TANC1: variants seen among roughly 807,000 people sequenced by gnomAD.
TANC1 encodes the protein tetratricopeptide repeat, ankyrin repeat and coiled-coil containing 1, also known as protein TANC1.
A neutral mutation model predicts 149.7 loss-of-function variants in TANC1; 77 were observed. That is an observed-to-expected ratio of 0.51 (90% CI 0.43 to 0.62). The LOEUF (loss-of-function observed/expected upper bound fraction) is 0.62. Among genes scored for constraint, TANC1 ranks in the 20% least tolerant of loss-of-function variants. The pLI is 0.00. For missense variants in TANC1, 1,985 were observed against 2,321.8 expected (o/e 0.85, Z 2.98); for synonymous variants, 854 against 925.0 (o/e 0.92, Z 1.39).
chr2:159,136,807 A>AAT (rs1553569230), intron 5 of TANC1, among the ~76,000 whole-genome samples: 1 of 144,058 alleles, frequency 6.9e-6, no homozygotes, highest in African/African-American at 2.5e-5. Context: ...AAAAAAAAAA[A>AAT]CCAAATTGAT....
At chr2:158,975,573 C>CT (rs70994247) in intron 1 of TANC1, among the ~76,000 whole-genome samples, 65,137 of 145,988 alleles carry the variant, frequency 0.45, 14,874 homozygotes, top group African/African-American at 0.58. Flanking sequence ...ACCACAATTA[C>CT]TTTTTTTTTT....
chr2:159,148,356 T>C (rs370019387), intron 5 of TANC1: 1 of 152,236 alleles, frequency 6.6e-6, no homozygotes, highest in Non-Finnish European at 1.5e-5. Flanking sequence ...CAGCTCAACA[T>C]TTAAATCAAA....
chr2:159,062,648 G>C (rs1433970754), intron 2 of TANC1, among the ~76,000 whole-genome samples: 2 of 152,168 alleles, frequency 1.3e-5, no homozygotes, highest in African/African-American at 2.4e-5. Flanking sequence ...AAATGGATGA[G>C]ACTGGGCAAA....
chr2:159,026,252 C>A (rs1353718307), intron 2 of TANC1, among the ~76,000 whole-genome samples: 1 of 152,162 alleles, frequency 6.6e-6, no homozygotes, highest in Non-Finnish European at 1.5e-5. Flanking sequence ...TTTTTAGCTT[C>A]TAGTGTTTAG....
intron 17 of TANC1, among the ~76,000 whole-genome samples, chr2:159,196,056 T>C (rs1213686545): frequency 6.6e-6 from 1 of 152,094 alleles, no homozygotes; most frequent in Non-Finnish European, 1.5e-5. Context: ...CCCCCTTTAC[T>C]TGCCAGCATG....
intron 1 of TANC1, among the ~76,000 whole-genome samples, chr2:158,982,875 T>C (rs529640529): frequency 6.6e-6 from 1 of 152,326 alleles, no homozygotes; most frequent in African/African-American, 2.4e-5. Context: ...CTTCCTGCCT[T>C]GACCTCCCAA....
At chr2:159,053,764 A>G (rs1336135252) in intron 2 of TANC1, among the ~76,000 whole-genome samples, 2 of 152,194 alleles carry the variant, frequency 1.3e-5, no homozygotes, top group Non-Finnish European at 2.9e-5. Flanking sequence ...CATTGTTTGT[A>G]TGACACAAAG....
At chr2:159,063,896 G>A (rs264659) in intron 2 of TANC1, among the ~76,000 whole-genome samples, 31,740 of 151,988 alleles carry the variant, frequency 0.21, 3,745 homozygotes, top group South Asian at 0.45. Flanking sequence ...GTGATGACCT[G>A]GGTGATTAAT....
chr2:159,025,756 A>AT (rs1390840516), intron 2 of TANC1, among the ~76,000 whole-genome samples: 2 of 152,126 alleles, frequency 1.3e-5, no homozygotes, highest in Non-Finnish European at 2.9e-5. Flanking sequence ...ATTTCTGATC[A>AT]TTTAACTAAT....
chr2:159,069,025 G>A (rs1468322565), intron 3 of TANC1, among the ~76,000 whole-genome samples: 1 of 152,162 alleles, frequency 6.6e-6, no homozygotes, highest in Non-Finnish European at 1.5e-5. Context: ...ACAAATATGA[G>A]CCACTGCGCC....
intron 4 of TANC1, among the ~76,000 whole-genome samples, chr2:159,128,788 G>A (rs530486765): frequency 2.2e-4 from 34 of 152,252 alleles, no homozygotes; most frequent in Middle Eastern, 3.4e-3. Flanking sequence ...TTTTGTTGGG[G>A]GGGCAGGGGA....
chr2:159,048,441 T>G (rs776050637), intron 2 of TANC1, among the ~76,000 whole-genome samples: 1 of 152,276 alleles, frequency 6.6e-6, no homozygotes, highest in East Asian at 1.9e-4. Context: ...ATCATGCTGC[T>G]CGCCCTCAGA....
intron 2 of TANC1, among the ~76,000 whole-genome samples, chr2:159,034,631 G>T (rs7604634): frequency 0.032 from 4,928 of 152,268 alleles, 155 homozygotes; most frequent in African/African-American, 0.079. Flanking sequence ...GAAGCTGAAA[G>T]ATTTGGGATG....
chr2:159,215,791 A>C (rs1053686006), intron 19 of TANC1, among the ~76,000 whole-genome samples: 5 of 152,172 alleles, frequency 3.3e-5, no homozygotes, highest in Non-Finnish European at 7.3e-5. Flanking sequence ...GGTTTCTTTC[A>C]ATCCTTGTTA....
chr2:159,121,726 A>G lies in TANC1; in HGVS notation c.260-14468A>G, dbSNP rs556813553. ...AGAGATTTATATTGTCTGCCAGAGAATTGGTATGGACAAACATTGCTAGGG... is the reference window on the plus strand; with the variant it reads ...AGAGATTTATATTGTCTGCCAGAGAGTTGGTATGGACAAACATTGCTAGGG... On this transcript the variant is annotated intron_variant, in intron 4 of 26. Transcript: ENST00000263635. Among the ~76,000 whole-genome samples, 284 of 152,320 alleles carry G rather than the reference A, an allele frequency of 1.9e-3. 2 individuals are homozygous for G. The highest frequency in any genetic ancestry group is 6.7e-3 in the African/African-American group (277 of 41,572).
rs571930834 is a variant in TANC1, at chr2:159,038,231, T to C, written c.-15-27665T>C. 5.9e-5 allele frequency among the ~76,000 whole-genome samples: 9 copies of C among 152,354 alleles called. No homozygotes were observed. The South Asian group carries it at 1.2e-3, about 21-fold the overall frequency. On this transcript the variant is annotated intron_variant, in intron 2 of 26. Transcript: ENST00000263635. ...ATCCTGAAACTTTGCTGAAGTTGCT[T>C]ATCAGCTTAAGGAGATTTTGGGCTG...
At chr2:159,158,364 CA>C (rs200833917) in intron 7 of TANC1, among the ~76,000 whole-genome samples, 2 of 150,150 alleles carry the variant, frequency 1.3e-5, no homozygotes. Context: ...TGTCTCGAAA[CA>C]AAAAAAAACC....
chr2:159,062,737 G>A (rs1013014216), intron 2 of TANC1, among the ~76,000 whole-genome samples: 3 of 151,824 alleles, frequency 2.0e-5, no homozygotes, highest in South Asian at 4.2e-4. Flanking sequence ...GGAGGCCGAG[G>A]CGGGTGGATC....
rs376336005 is a variant in TANC1, at chr2:159,175,199, C to T, written c.1735+15C>T. 12 of 1,597,984 alleles carry T rather than the reference C, an allele frequency of 7.5e-6. No individual in the cohort carries two copies. The African/African-American group carries it at 1.3e-4, about 18-fold the overall frequency. ...CCTGAGAAATGGTACTTCGCAGCAG[C>T]TACCCACAGCCCCATCTCAGTAGTG... is the stretch of plus-strand genomic sequence containing the variant. On this transcript the variant is annotated intron_variant, in intron 12 of 26. Coordinates refer to ENST00000263635, the MANE Select transcript of TANC1 (RefSeq NM_033394.3).
Sources: allele counts gnomAD v4.1 joint callset (sites outside exome capture counted in the v4.1 genomes callset), GRCh38; gene constraint gnomAD v4.1.1; transcripts MANE v1.5; gene names NCBI Gene and HGNC (gene_info 2026-07-23, HGNC 2026-07-21).